The following RBFOX1 variants were observed in gnomAD, a reference collection of about 807,000 sequenced individuals.
RBFOX1 encodes the protein RNA binding fox-1 homolog 1, also known as RNA binding protein fox-1 homolog 1.
Under a neutral mutation model 57.7 loss-of-function variants are expected in RBFOX1, and 8 were observed. The observed-to-expected ratio is 0.14, with a 90% CI of 0.08 to 0.25. The LOEUF (loss-of-function observed/expected upper bound fraction) is 0.25, where lower values mean the gene tolerates loss of function less well. RBFOX1 is among the 10% of genes least tolerant of loss of function. The pLI is 1.00. For missense variants in RBFOX1, 611 were observed against 548.5 expected (o/e 1.11, Z -1.14); for synonymous variants, 326 against 222.4 (o/e 1.47, Z -4.15).
intron 3 of RBFOX1, among the ~76,000 whole-genome samples, chr16:5,690,380 G>A (rs907927859): frequency 1.3e-5 from 2 of 152,118 alleles, no homozygotes; most frequent in South Asian, 2.1e-4. Context: ...TTGGGCCACC[G>A]TCTACCCATA....
At chr16:5,513,447 G>A (rs1017151714) in intron 2 of RBFOX1, among the ~76,000 whole-genome samples, 6 of 152,182 alleles carry the variant, frequency 3.9e-5, no homozygotes, top group Admixed American at 2.0e-4. Context: ...GCCTGAAGCT[G>A]TGTTTGTCAG....
intron 4 of RBFOX1, among the ~76,000 whole-genome samples, chr16:5,957,065 C>G (rs1026516136): frequency 6.6e-6 from 1 of 152,092 alleles, no homozygotes; most frequent in African/African-American, 2.4e-5. Context: ...TGGTGAATTA[C>G]TTTAAGTCAG....
chr16:6,787,753 A>C (rs922824494), intron 3 of RBFOX1, among the ~76,000 whole-genome samples: 1 of 152,212 alleles, frequency 6.6e-6, no homozygotes, highest in African/African-American at 2.4e-5. Context: ...CTGCTGGCTT[A>C]ATCCCCAAAA....
intron 4 of RBFOX1, among the ~76,000 whole-genome samples, chr16:7,298,238 G>C (rs1046234115): frequency 6.7e-6 from 1 of 148,962 alleles, no homozygotes; most frequent in Non-Finnish European, 1.5e-5. Context: ...GGGGTTAGAA[G>C]CATCAACCCA....
intron 3 of RBFOX1, among the ~76,000 whole-genome samples, chr16:6,666,365 T>C (rs1279274568): frequency 1.3e-5 from 2 of 151,998 alleles, no homozygotes; most frequent in African/African-American, 4.8e-5. Context: ...GAAACCCTTG[T>C]CTCTACCACA....
chr16:5,819,168 T>C (rs59640568), intron 3 of RBFOX1, among the ~76,000 whole-genome samples: 3,249 of 152,248 alleles, frequency 0.021, 133 homozygotes, highest in African/African-American at 0.073. Context: ...GGCTGGGAAG[T>C]GCAAATCAAG....
intron 3 of RBFOX1, among the ~76,000 whole-genome samples, chr16:6,753,239 A>T (rs746248336): frequency 3.3e-5 from 5 of 152,204 alleles, no homozygotes; most frequent in Non-Finnish European, 7.3e-5. Flanking sequence ...GGATAAAGCA[A>T]GTATAGTAAA....
At chr16:7,120,815 T>TTTTATA (rs2066952336) in intron 4 of RBFOX1, among the ~76,000 whole-genome samples, 1 of 113,590 alleles carries the variant, frequency 8.8e-6, no homozygotes, top group Non-Finnish European at 1.8e-5. Flanking sequence ...ATGTAATATT[T>TTTTATA]TATATATGTA....
intron 3 of RBFOX1, among the ~76,000 whole-genome samples, chr16:6,667,431 G>C (rs775660624): frequency 7.2e-5 from 11 of 152,130 alleles, no homozygotes; most frequent in Non-Finnish European, 1.3e-4. Flanking sequence ...TTGAACCCCA[G>C]CTTAGTGGCT....
rs144801441 is a variant in RBFOX1 at position 6,990,543 on chromosome 16, G to A, written c.-15-61514G>A. ...TCCATCTCAAAAAAATAAAAATTCT[G>A]TTAGTATTCACATAGAAGGATGATA... is the stretch of plus-strand genomic sequence containing the variant. On this transcript the variant is annotated intron_variant, in intron 3 of 15. Coordinates refer to ENST00000550418, the MANE Select transcript of RBFOX1 (RefSeq NM_018723.4). 3.9e-5 allele frequency among the ~76,000 whole-genome samples: 6 copies of A among 151,942 alleles called. No individual in the cohort carries two copies. In the East Asian group the frequency reaches 1.2e-3, roughly 29 times the overall value.
At chr16:6,813,953 A>G (rs1211415443) in intron 3 of RBFOX1, among the ~76,000 whole-genome samples, 3 of 152,166 alleles carry the variant, frequency 2.0e-5, no homozygotes, top group Admixed American at 2.0e-4. Context: ...ACTATTAACC[A>G]GTCCTTGCTA....
At chr16:7,458,387 T>G (rs532338933) in intron 4 of RBFOX1, among the ~76,000 whole-genome samples, 229 of 152,312 alleles carry the variant, frequency 1.5e-3, no homozygotes, top group Non-Finnish European at 2.6e-3. Flanking sequence ...CTGGAGCATG[T>G]GCTCCTCAAA....
intron 1 of RBFOX1, among the ~76,000 whole-genome samples, chr16:6,102,592 G>A (rs963052174): frequency 2.6e-5 from 4 of 151,906 alleles, no homozygotes; most frequent in African/African-American, 4.8e-5. Flanking sequence ...AGCAGCTCAC[G>A]CCACGTCTTC....
chr16:6,665,318 A>G (rs1443158549), intron 3 of RBFOX1, among the ~76,000 whole-genome samples: 2 of 152,180 alleles, frequency 1.3e-5, no homozygotes, highest in Non-Finnish European at 2.9e-5. Flanking sequence ...AATGGACTAA[A>G]AAATGAGGGA....
At position 7,408,953 on chromosome 16, in the gene RBFOX1, C is replaced by T. The variant is rs531845770; in HGVS notation, c.28-109194C>T. On this transcript the variant is annotated intron_variant, in intron 4 of 15. Transcript: ENST00000550418. ...TGTAAATCATTGCATGTTGTCATCC[C>T]AGGTGAACTTTTCTTCTTTTCTTTT... Among the ~76,000 whole-genome samples, 8 of 152,290 alleles carry T rather than the reference C, an allele frequency of 5.3e-5. No individual in the cohort carries two copies. The South Asian group carries it at 1.7e-3, about 32-fold the overall frequency.
At chr16:5,712,429 G>A (rs1268952625) in intron 3 of RBFOX1, among the ~76,000 whole-genome samples, 1 of 152,192 alleles carries the variant, frequency 6.6e-6, no homozygotes, top group African/African-American at 2.4e-5. Flanking sequence ...GCCAGGACCA[G>A]TTATTGGGCT....
At chr16:6,914,632 G>T (rs770009795) in intron 3 of RBFOX1, among the ~76,000 whole-genome samples, 2 of 152,086 alleles carry the variant, frequency 1.3e-5, no homozygotes, top group East Asian at 3.9e-4. Context: ...GCAGCACTTT[G>T]GGAGGCTGAG....
chr16:7,134,049 C>T (rs1232696625), intron 4 of RBFOX1, among the ~76,000 whole-genome samples: 3 of 152,156 alleles, frequency 2.0e-5, no homozygotes, highest in African/African-American at 7.2e-5. Flanking sequence ...AATACGTGGG[C>T]CTCAGTAATG....
chr16:5,667,453 T>C (rs1195157865), intron 3 of RBFOX1, among the ~76,000 whole-genome samples: 1 of 152,260 alleles, frequency 6.6e-6, no homozygotes, highest in Admixed American at 6.5e-5. Context: ...AATTAGCAAG[T>C]ATGCAGATAG....
Sources: allele counts gnomAD v4.1 joint callset (sites outside exome capture counted in the v4.1 genomes callset), GRCh38; gene constraint gnomAD v4.1.1; transcripts MANE v1.5; gene names NCBI Gene and HGNC (gene_info 2026-07-23, HGNC 2026-07-21).